The following POTEB3 variants were observed in gnomAD, a reference collection of about 807,000 sequenced individuals.
The protein encoded by POTEB3 is ANKRD26-like family B member 1.
POTEB3 carries 5 observed loss-of-function variants against 39.8 expected under a neutral mutation model. That is an observed-to-expected ratio of 0.13 (90% CI 0.07 to 0.26). The LOEUF (loss-of-function observed/expected upper bound fraction) is 0.26, where lower values mean the gene tolerates loss of function less well. POTEB3 is among the 10% of genes least tolerant of loss of function. POTEB3 has a pLI of 1.00. For synonymous variants in POTEB3, 5 were observed against 161.5 expected (o/e 0.03, Z 7.35); for missense variants, 24 against 475.6 (o/e 0.05, Z 8.83).
At chr15:21,431,672 ATTAT>A in intron 4 of POTEB3, 63 bp downstream of exon 4, 1 of 1,360,580 alleles carries the variant, frequency 7.3e-7, no homozygotes. Context: ...TTATTAATTT[ATTAT>A]TTATGACTTG....
rs1226964676 is a variant in POTEB3 at position 21,434,480 on chromosome 15, C to T, written c.810+181G>A. 1.7e-4 allele frequency among the ~76,000 whole-genome samples: 14 copies of T among 80,404 alleles called. 1 individual carries two copies. The highest frequency in any genetic ancestry group is 7.7e-4 in the African/African-American group (12 of 15,670). 52.7% of individuals were successfully genotyped at this position (80,404 alleles called of 152,430 possible). A position where few individuals can be genotyped will look rare whatever the true frequency, so the allele number is the denominator to read the frequency against. ...CAAGTGCACTGAAAAAAACTGTACC[C>T]TCTAATGCTTCTTTAAAAGTAACAA... On this transcript the variant is annotated intron_variant, in intron 3 of 10. Transcript: ENST00000611217.
At chr15:21,421,381 A>T (rs1168648215) in intron 7 of POTEB3, among the ~76,000 whole-genome samples, 1 of 137,630 alleles carries the variant, frequency 7.3e-6, no homozygotes, top group African/African-American at 2.9e-5. Context: ...TTTTTTAATA[A>T]TCTGTACTGA....
Position 21,422,269 on chromosome 15 carries a change from GAAGACAA to G in POTEB3, c.1127-86_1127-80del. On this transcript the variant is annotated intron_variant, in intron 6 of 10. Coordinates refer to ENST00000611217, the MANE Select transcript of POTEB3 (RefSeq NM_207355.5). Reference sequence around the variant, plus strand: ...ACTATTGCCTTTATAAAAATAGATTGAAGACAACATTTTATTTTATTTCATAAACTGA... The same window carrying G: ...ACTATTGCCTTTATAAAAATAGATTGCATTTTATTTTATTTCATAAACTGA... 3 of 1,504,272 alleles carry G rather than the reference GAAGACAA, an allele frequency of 2.0e-6. No individual in the cohort carries two copies. In the South Asian group the frequency reaches 3.6e-5, roughly 18 times the overall value. The allele number at this position is 1,504,272 out of a possible 1,614,324, so 93.2% of individuals were successfully genotyped here.
intron 6 of POTEB3, chr15:21,425,099 C>T: frequency 6.9e-6 from 1 of 144,316 alleles, no homozygotes; most frequent in African/African-American, 2.6e-5. Context: ...GGATGTGTGA[C>T]ATGGAAACTA....
At chr15:21,409,637 T>TA (rs1898282852) in intron 10 of POTEB3, among the ~76,000 whole-genome samples, 1 of 93,964 alleles carries the variant, frequency 1.1e-5, no homozygotes, top group Non-Finnish European at 2.0e-5. Flanking sequence ...AGGAATGTTT[T>TA]ATCAATATAC....
intron 1 of POTEB3, among the ~76,000 whole-genome samples, chr15:21,436,719 CA>C (rs1274145669): frequency 1.6e-4 from 19 of 116,096 alleles, no homozygotes; most frequent in African/African-American, 6.6e-4. Context: ...TGCTCAGGCG[CA>C]GCAGGTAAAC....
In POTEB3 at chr15:21,410,739, G is replaced by A. The variant is rs1898304910; in HGVS notation, c.1533+139C>T. 1.1e-5 allele frequency: 6 copies of A among 532,196 alleles called. No homozygotes were observed. The African/African-American group carries it at 4.1e-4, about 36-fold the overall frequency. 33.0% of individuals were successfully genotyped at this position (532,196 alleles called of 1,614,324 possible). On this transcript the variant is annotated intron_variant, in intron 10 of 10. Coordinates refer to ENST00000611217, the MANE Select transcript of POTEB3 (RefSeq NM_207355.5). ...GGATATACAGGGGGTGTGTGTGTGT[G>A]TGTGTATATATACACACACACAGAC... is the stretch of plus-strand genomic sequence containing the variant.
At chr15:21,434,303 T>G (rs1899105094) in intron 3 of POTEB3, among the ~76,000 whole-genome samples, 1 of 132,480 alleles carries the variant, frequency 7.5e-6, no homozygotes, top group Non-Finnish European at 1.6e-5. Flanking sequence ...TGTTTAAGTT[T>G]TCTTGGAGTT....
intron 6 of POTEB3, chr15:21,425,160 T>A (rs184961323): frequency 1.4e-5 from 2 of 139,354 alleles, no homozygotes; most frequent in African/African-American, 5.5e-5. Context: ...TTTACATGGT[T>A]ATCTTCCATC....
rs1452807639 is a variant in POTEB3 at position 21,409,982 on chromosome 15, C to T, written c.1534-787G>A. The stretch of plus-strand genomic sequence containing the variant: ...TGCAAGACTCCATCTAGAATACACA[C>T]ACACACACACACACACACACATATA... On this transcript the variant is annotated intron_variant, in intron 10 of 10. Transcript: ENST00000611217. Among the ~76,000 whole-genome samples the T allele has an allele frequency of 6.6e-5, 6 of 91,468 alleles. 2 individuals carry two copies. Among genetic ancestry groups the T allele is most frequent in the African/African-American group, 5.4e-4 (6 of 11,204 alleles). 60.0% of individuals were successfully genotyped at this position (91,468 alleles called of 152,430 possible).
chr15:21,418,013 C>T (rs1302831380), intron 9 of POTEB3, among the ~76,000 whole-genome samples: 1 of 103,638 alleles, frequency 9.6e-6, no homozygotes, highest in Admixed American at 8.4e-5. Flanking sequence ...TCTTGGAACG[C>T]AGCCATGCTT....
At chr15:21,426,301 T>A (rs1295299341) in intron 6 of POTEB3, 1 of 388,110 alleles carries the variant, frequency 2.6e-6, no homozygotes, top group Non-Finnish European at 5.0e-6. Context: ...ACCTACTTTT[T>A]TTCAAAACTT....
At chr15:21,433,947 C>A (rs1366593507) in intron 3 of POTEB3, among the ~76,000 whole-genome samples, 532 of 148,930 alleles carry the variant, frequency 3.6e-3, no homozygotes, top group African/African-American at 0.013. Flanking sequence ...CTCCCTCTCC[C>A]AAACTGAAAA....
At chr15:21,410,359 A>T (rs2672330) in intron 10 of POTEB3, among the ~76,000 whole-genome samples, 2 of 90,498 alleles carry the variant, frequency 2.2e-5, no homozygotes, top group African/African-American at 8.0e-5. Flanking sequence ...TTGCATTGAA[A>T]TGAGAAACTA....
At chr15:21,423,097 T>A (rs1898574109) in intron 6 of POTEB3, among the ~76,000 whole-genome samples, 1 of 145,420 alleles carries the variant, frequency 6.9e-6, no homozygotes, top group Non-Finnish European at 1.5e-5. Flanking sequence ...AAATTTATTT[T>A]CATTTTTCTT....
intron 3 of POTEB3, among the ~76,000 whole-genome samples, chr15:21,433,343 C>T (rs1899051057): frequency 6.6e-6 from 1 of 150,408 alleles, no homozygotes; most frequent in African/African-American, 2.4e-5. Flanking sequence ...CCACCTCAGC[C>T]TCCCTAGCAG....
chr15:21,414,283 T>G (rs1898371760), intron 9 of POTEB3, among the ~76,000 whole-genome samples: 1 of 116,316 alleles, frequency 8.6e-6, no homozygotes, highest in Admixed American at 8.0e-5. Flanking sequence ...AATAATTAAT[T>G]TTAAGGAATA....
At chr15:21,433,770 T>C (rs1228819515) in intron 3 of POTEB3, among the ~76,000 whole-genome samples, 1 of 150,790 alleles carries the variant, frequency 6.6e-6, no homozygotes, top group Non-Finnish European at 1.5e-5. Context: ...GAAAGCAGAG[T>C]TGAGACTCTA....
chr15:21,433,259 G>A (rs1334146337), intron 3 of POTEB3, among the ~76,000 whole-genome samples: 1 of 151,094 alleles, frequency 6.6e-6, no homozygotes, highest in African/African-American at 2.4e-5. Context: ...GAAATTTGTT[G>A]TTGTTGTTGT....
Sources: allele counts gnomAD v4.1 joint callset (sites outside exome capture counted in the v4.1 genomes callset), GRCh38; gene constraint gnomAD v4.1.1; transcripts MANE v1.5; gene names NCBI Gene and HGNC (gene_info 2026-07-23, HGNC 2026-07-21).